Variants in BANK1 observed in about 807,000 individuals in gnomAD.
The protein encoded by BANK1 is B-cell scaffold protein with ankyrin repeats.
Under a neutral mutation model 94.5 loss-of-function variants are expected in BANK1, and 95 were observed. The observed-to-expected ratio is 1.00, with a 90% CI of 0.85 to 1.19. The LOEUF (loss-of-function observed/expected upper bound fraction) is 1.19. Among genes scored for constraint, BANK1 ranks in the 50% most tolerant of loss-of-function variants. The pLI is 0.00. For synonymous variants in BANK1, 334 were observed against 308.4 expected (o/e 1.08, Z -0.87); for missense variants, 987 against 932.2 (o/e 1.06, Z -0.77).
At chr4:101,956,207 A>G (rs1057436358) in intron 7 of BANK1, among the ~76,000 whole-genome samples, 3 of 152,084 alleles carry the variant, frequency 2.0e-5, no homozygotes, top group Non-Finnish European at 2.9e-5. Context: ...TTGTCACTGG[A>G]TTGTTTGAGC....
chr4:101,795,277 G>A (rs1725117674), intron 1 of BANK1, among the ~76,000 whole-genome samples: 1 of 152,072 alleles, frequency 6.6e-6, no homozygotes, highest in Admixed American at 6.5e-5. Context: ...TGATAAGTAA[G>A]GGTGTCAGAA....
At chr4:101,950,122 C>T (rs1038628647) in intron 7 of BANK1, among the ~76,000 whole-genome samples, 1 of 151,972 alleles carries the variant, frequency 6.6e-6, no homozygotes, top group Admixed American at 6.6e-5. Context: ...TCTGGTGCTT[C>T]TCAGATTGCT....
intron 7 of BANK1, among the ~76,000 whole-genome samples, chr4:101,964,989 C>T (rs932126759): frequency 7.2e-6 from 1 of 139,814 alleles, no homozygotes; most frequent in Non-Finnish European, 1.5e-5. Flanking sequence ...TTGTTCAATT[C>T]CCACCTATGA....
chr4:101,964,482 A>T (rs574974063), intron 7 of BANK1, among the ~76,000 whole-genome samples: 9 of 152,178 alleles, frequency 5.9e-5, no homozygotes, highest in Non-Finnish European at 8.8e-5. Context: ...TGGGAAAAAA[A>T]GTGTTCATTT....
At chr4:101,817,026 G>A (rs1371048211) in intron 1 of BANK1, among the ~76,000 whole-genome samples, 2 of 152,162 alleles carry the variant, frequency 1.3e-5, no homozygotes, top group African/African-American at 2.4e-5. Flanking sequence ...AAAGGACAGT[G>A]TAGTGTGCAT....
At chr4:101,804,720 CT>C (rs1229311978) in intron 1 of BANK1, among the ~76,000 whole-genome samples, 1 of 152,094 alleles carries the variant, frequency 6.6e-6, no homozygotes, top group African/African-American at 2.4e-5. Context: ...CTTAATAACA[CT>C]TTCTTTTCTC....
intron 2 of BANK1, among the ~76,000 whole-genome samples, chr4:101,838,033 C>T (rs1050663484): frequency 6.6e-6 from 1 of 152,076 alleles, no homozygotes; most frequent in African/African-American, 2.4e-5. Flanking sequence ...GACCTGGGCT[C>T]ACTGCAACCT....
At chr4:101,963,612 G>A (rs2851326) in intron 7 of BANK1, among the ~76,000 whole-genome samples, 141,940 of 152,060 alleles carry the variant, frequency 0.93, 66,491 homozygotes, top group African/African-American at 0.99. Context: ...CAACCAAAGT[G>A]TACTATTTAT....
chr4:101,903,692 A>G (rs1014020312), intron 6 of BANK1, among the ~76,000 whole-genome samples: 5 of 152,314 alleles, frequency 3.3e-5, no homozygotes, highest in Admixed American at 2.0e-4. Flanking sequence ...CAGATTACTC[A>G]TGGCATAGGT....
intron 8 of BANK1, 49 bp downstream of exon 8, chr4:102,021,641 C>G: frequency 2.5e-5 from 18 of 725,556 alleles, no homozygotes; most frequent in Non-Finnish European, 3.7e-5. Flanking sequence ...ATATATATAT[C>G]ACATATATAT....
chr4:101,873,900 C>T (rs1261166299), intron 5 of BANK1, among the ~76,000 whole-genome samples: 2 of 151,946 alleles, frequency 1.3e-5, no homozygotes, highest in African/African-American at 4.8e-5. Flanking sequence ...ACAAAAATGT[C>T]TTGGGGAAAT....
chr4:101,925,258 T>C (rs997594823), intron 7 of BANK1, among the ~76,000 whole-genome samples: 7 of 151,798 alleles, frequency 4.6e-5, no homozygotes, highest in Non-Finnish European at 1.0e-4. Flanking sequence ...TTCTCAGATA[T>C]ATGGAACAGA....
At chr4:101,822,905 G>A (rs1320480736) in intron 1 of BANK1, among the ~76,000 whole-genome samples, 3 of 152,080 alleles carry the variant, frequency 2.0e-5, no homozygotes, top group Admixed American at 6.6e-5. Flanking sequence ...ATGAGCCACC[G>A]CGTCTGGCCA....
chr4:101,849,505 G>A (rs1406476873), intron 2 of BANK1, among the ~76,000 whole-genome samples: 3 of 151,278 alleles, frequency 2.0e-5, no homozygotes, highest in African/African-American at 4.9e-5. Flanking sequence ...AGATACACAC[G>A]CACACACACA....
At position 101,946,687 on chromosome 4, in the gene BANK1, T is replaced by A. The variant is rs58846155; in HGVS notation, c.1206+28498T>A. Among the ~76,000 whole-genome samples, 844 of 152,076 alleles carry A rather than the reference T, an allele frequency of 5.5e-3. 15 individuals carry two copies. The East Asian group carries it at 0.056, about 10-fold the overall frequency. On this transcript the variant is annotated intron_variant, in intron 7 of 16. Coordinates refer to ENST00000322953, the MANE Select transcript of BANK1 (RefSeq NM_017935.5). ...TATTACATATCTGGTCATTAAAACA[T>A]AGGGACTACTCCTGGTGATCTTCAA...
At chr4:101,989,431 C>CAAAAAAA (rs899065744) in intron 7 of BANK1, among the ~76,000 whole-genome samples, 1 of 31,088 alleles carries the variant, frequency 3.2e-5, no homozygotes, top group Non-Finnish European at 7.2e-5. Flanking sequence ...GACTCCGTCT[C>CAAAAAAA]AAAAAAAAAA....
chr4:101,821,981 G>A (rs538242473), intron 1 of BANK1, among the ~76,000 whole-genome samples: 112 of 152,094 alleles, frequency 7.4e-4, no homozygotes, highest in Non-Finnish European at 1.1e-3. Context: ...GCCATCCTCC[G>A]GGAAAGAAAT....
chr4:102,037,186 A>C (rs1281671963), intron 10 of BANK1, among the ~76,000 whole-genome samples: 2 of 152,236 alleles, frequency 1.3e-5, no homozygotes, highest in Admixed American at 1.3e-4. Flanking sequence ...TTTGATTGTC[A>C]AGACTAAGAA....
chr4:101,905,136 A>G (rs1231102991), intron 6 of BANK1, among the ~76,000 whole-genome samples: 1 of 152,188 alleles, frequency 6.6e-6, no homozygotes, highest in Non-Finnish European at 1.5e-5. Context: ...AGATACAACA[A>G]TTTGAATTTC....
Sources: gnomAD v4.1 joint callset for allele counts (sites outside exome capture counted in the v4.1 genomes callset) on GRCh38, gnomAD v4.1.1 for gene constraint, MANE v1.5 for transcripts, NCBI Gene and HGNC (gene_info 2026-07-23, HGNC 2026-07-21) for gene names.